Variants in ATR observed in about 807,000 individuals in gnomAD.
ATR encodes ATR checkpoint kinase, also known as serine/threonine-protein kinase ATR.
ATR carries 142 observed loss-of-function variants against 305.3 expected under a neutral mutation model. That is an observed-to-expected ratio of 0.47 (90% CI 0.41 to 0.53). ATR has a LOEUF of 0.53. ATR is among the 20% of genes least tolerant of loss of function. The pLI, the probability that ATR is intolerant of heterozygous loss-of-function variation, is 0.00. For synonymous variants in ATR, 1,050 were observed against 1,068.1 expected (o/e 0.98, Z 0.33); for missense variants, 2,135 against 3,133.1 (o/e 0.68, Z 7.60).
intron 5 of ATR, 58 bp from the exon 6 acceptor site, chr3:142,560,512 A>G (rs2034838509): frequency 6.7e-7 from 1 of 1,496,692 alleles, no homozygotes; most frequent in Non-Finnish European, 9.2e-7. Flanking sequence ...TGGTTAAAAC[A>G]TGAAACATAT....
At position 142,538,643 on chromosome 3, in the gene ATR, T is replaced by C. The variant is rs2108433149; in HGVS notation, c.3582-18A>G. 2.5e-6 allele frequency: 4 copies of C among 1,612,994 alleles called. No individual in the cohort carries two copies. The highest frequency in any genetic ancestry group is 1.7e-5 in the Admixed American group (1 of 59,868). On this transcript the variant is annotated intron_variant, in intron 18 of 46. Coordinates refer to ENST00000350721, the MANE Select transcript of ATR (RefSeq NM_001184.4). ...CCCAAGCTCTATGTGAAAAAACAAA[T>C]AGAAATGAAGTCCAATTACTTTTAT...
intron 45 of ATR, among the ~76,000 whole-genome samples, chr3:142,453,591 T>C (rs1307534927): frequency 6.6e-5 from 10 of 152,150 alleles, no homozygotes; most frequent in Admixed American, 5.9e-4. Context: ...ATAGCTACCA[T>C]ATAGACCTAG....
chr3:142,565,616 C>G (rs2035039833), intron 3 of ATR, among the ~76,000 whole-genome samples: 1 of 151,470 alleles, frequency 6.6e-6, no homozygotes, highest in Non-Finnish European at 1.5e-5. Context: ...AAAACTGAAG[C>G]CAGGCACAGT....
At chr3:142,450,777 C>G (rs554261464) in intron 46 of ATR, 1 of 1,466,780 alleles carries the variant, frequency 6.8e-7, no homozygotes, top group African/African-American at 1.4e-5. Context: ...TTCGTTATCA[C>G]ACTGCGTGGA....
At position 142,554,031 on chromosome 3, in the gene ATR, A is replaced by G; in HGVS notation, c.2342-16T>C. On this transcript the variant is annotated splice_polypyrimidine_tract_variant and intron_variant, in intron 10 of 46. Transcript: ENST00000350721. ...TCTATGAAAGCTGAAGGACAAGAGT[A>G]TACAATACCTAATTTAACATATTAA... is the stretch of plus-strand genomic sequence containing the variant. 6 of 1,567,152 alleles carry G rather than the reference A, an allele frequency of 3.8e-6. No individual in the cohort carries two copies. The highest frequency in any genetic ancestry group is 5.2e-6 in the Non-Finnish European group (6 of 1,146,734).
rs376881644 is a variant in ATR at position 142,506,750 on chromosome 3, A to C, written c.5031+1181T>G. On this transcript the variant is annotated intron_variant, in intron 28 of 46. Transcript: ENST00000350721. ...AAGAATATGGTGCAGATGCTGTTTC[A>C]TTTGCAGATTTTTCCTAATGAATCA... 9.2e-5 allele frequency among the ~76,000 whole-genome samples: 14 copies of C among 152,300 alleles called. No individual in the cohort carries two copies. In the East Asian group the frequency reaches 1.7e-3, roughly 19 times the overall value.
At chr3:142,529,608 G>A (rs898324331) in intron 21 of ATR, among the ~76,000 whole-genome samples, 1 of 152,050 alleles carries the variant, frequency 6.6e-6, no homozygotes, top group Non-Finnish European at 1.5e-5. Context: ...CTTAGGAAGG[G>A]ATCACTTGTG....
chr3:142,558,316 A>C (rs2034745454), intron 8 of ATR, among the ~76,000 whole-genome samples: 1 of 152,006 alleles, frequency 6.6e-6, no homozygotes, highest in African/African-American at 2.4e-5. Context: ...TGAGGTCAGG[A>C]GTTCGAGACC....
rs1416454185 is a variant in ATR at position 142,555,219 on chromosome 3, A to G, written c.2341+658T>C. The stretch of plus-strand genomic sequence containing the variant: ...CCATTGTACTTCAGCCTGGGCAACA[A>G]GAGCAAAACTCCGTCTCGGGGAAAA... On this transcript the variant is annotated intron_variant, in intron 10 of 46. Coordinates refer to ENST00000350721, the MANE Select transcript of ATR (RefSeq NM_001184.4). Among the ~76,000 whole-genome samples the G allele has an allele frequency of 4.8e-5, 3 of 62,382 alleles. No homozygotes were observed. The East Asian group carries it at 1.1e-3, about 22-fold the overall frequency. 40.9% of individuals were successfully genotyped at this position (62,382 alleles called of 152,430 possible). A position where few individuals can be genotyped will look rare whatever the true frequency, so the allele number is the denominator to read the frequency against.
Position 142,465,162 on chromosome 3 carries a change from A to G in ATR, c.6976T>C (p.Cys2326Arg), listed in dbSNP as rs766127973. ...TTTCTCAGGTCATCTTTTGGCTTAC[A>G]CATCATGATGTAGAACTTTCCATCT... ...GSDGKFYIMM[C>R]KPKDDLRKDC... Residue 2326 changes from cysteine to arginine, a missense_variant, in exon 41 of 47, where the codon TGT becomes CGT. Around this residue, in one of 9 missense-constraint regions of ATR, gnomAD observed 462 missense variants for 887.6 expected, o/e 0.52. Coordinates refer to ENST00000350721, the MANE Select transcript of ATR (RefSeq NM_001184.4). The G allele has an allele frequency of 1.2e-6, 2 of 1,608,270 alleles. No homozygotes were observed. The highest frequency in any genetic ancestry group is 3.3e-5 in the Admixed American group (2 of 59,892).
intron 41 of ATR, 145 bp from the exon 42 acceptor site, chr3:142,462,235 T>C (rs2071036474): frequency 2.5e-6 from 2 of 788,592 alleles, no homozygotes; most frequent in Admixed American, 5.3e-5. Context: ...ATAATTCTTC[T>C]GAATGGTAGG....
chr3:142,547,759 T>C lies in ATR; in HGVS notation c.3323A>G (p.Gln1108Arg), dbSNP rs2108450912. 6.2e-7 allele frequency: 1 copy of C among 1,613,854 alleles called. No individual in the cohort carries two copies. The highest frequency in any genetic ancestry group is 8.5e-7 in the Non-Finnish European group (1 of 1,179,858). ...AGGTGATATGATATCTCTCGGGCCC[T>C]GATATGGATCATCACTGGATGCAAA... ...ASFASSDDPY[Q>R]GPRDIISPEL... Residue 1108 changes from glutamine to arginine, a missense_variant, in exon 16 of 47, where the codon CAG (glutamine) becomes CGG (arginine). By Grantham distance (43) the Gln-to-Arg change is conservative. Transcript: ENST00000350721.
intron 36 of ATR, among the ~76,000 whole-genome samples, chr3:142,471,238 A>G (rs1009330064): frequency 6.6e-6 from 1 of 152,210 alleles, no homozygotes; most frequent in African/African-American, 2.4e-5. Context: ...TTCACTTAGC[A>G]TAATGTCCTC....
intron 40 of ATR, 90 bp downstream of exon 40, chr3:142,466,234 C>G (rs775722831): frequency 1.9e-5 from 25 of 1,349,654 alleles, no homozygotes; most frequent in South Asian, 2.5e-5. Context: ...ATAAGATTCA[C>G]GTAGATTTTG....
In ATR at chr3:142,538,589, A is replaced by T. The variant is rs2108432784; in HGVS notation, c.3618T>A (p.Ala1206=). 6.2e-7 allele frequency: 1 copy of T among 1,613,584 alleles called. No homozygotes were observed. The highest frequency in any genetic ancestry group is 1.3e-5 in the African/African-American group (1 of 75,028). ...CATGACTGAGAAGGGAGCCCAGACA[A>T]GCATGATCCAGGCAGCGAACAAAGC... is the stretch of plus-strand genomic sequence containing the variant. ...WDCFVRCLDH[A]CLGSLLSHVI... The change falls in exon 19 of 47, where the codon GCT becomes GCA. Residue 1206 remains alanine (A), a synonymous_variant. Transcript: ENST00000350721.
intron 24 of ATR, among the ~76,000 whole-genome samples, chr3:142,515,940 C>A (rs574771704): frequency 1.3e-5 from 2 of 152,306 alleles, no homozygotes; most frequent in East Asian, 3.9e-4. Flanking sequence ...CTAGCTGGAG[C>A]ACTTAATCAA....
chr3:142,518,843 C>A (rs1197976019), intron 24 of ATR, among the ~76,000 whole-genome samples: 1 of 151,898 alleles, frequency 6.6e-6, no homozygotes, highest in Non-Finnish European at 1.5e-5. Flanking sequence ...ATATAAAATG[C>A]TTCATGTATT....
At chr3:142,541,743 G>C (rs1313966587) in intron 17 of ATR, among the ~76,000 whole-genome samples, 1 of 152,134 alleles carries the variant, frequency 6.6e-6, no homozygotes, top group African/African-American at 2.4e-5. Context: ...GAAACAATAG[G>C]AAAGAAGCCA....
At position 142,508,038 on chromosome 3, in the gene ATR, C is replaced by A. The variant is rs2108361269; in HGVS notation, c.4924G>T (p.Ala1642Ser). ...GCTTTGGAGCGAAAGGAAGCTACTG[C>A]CAGAGTATCCTGGGGTATGAGGTCT... Reference protein sequence around the residue: ...FLDLIPQDTLAVASFRSKAYT... With the variant: ...FLDLIPQDTLSVASFRSKAYT... Residue 1642 changes from alanine to serine, a missense_variant, in exon 28 of 47, where the codon GCA becomes TCA. Coordinates refer to ENST00000350721, the MANE Select transcript of ATR (RefSeq NM_001184.4). The A allele has an allele frequency of 6.2e-7, 1 of 1,613,212 alleles. No homozygotes were observed. The highest frequency in any genetic ancestry group is 8.5e-7 in the Non-Finnish European group (1 of 1,179,696).
Sources: gnomAD v4.1 joint callset for allele counts (sites outside exome capture counted in the v4.1 genomes callset) on GRCh38, gnomAD v4.1.1 for gene constraint, gnomAD v4.1.1 regional missense constraint, MANE v1.5 for transcripts, NCBI Gene and HGNC (gene_info 2026-07-23, HGNC 2026-07-21) for gene names.